SGCZ: variants seen among roughly 807,000 people sequenced by gnomAD.
SGCZ encodes the protein sarcoglycan zeta.
A neutral mutation model predicts 41.3 loss-of-function variants in SGCZ; 40 were observed. That is an observed-to-expected ratio of 0.97 (90% CI 0.75 to 1.26). SGCZ has a LOEUF of 1.26. SGCZ is among the 50% of genes most tolerant of loss of function. The pLI, the probability that SGCZ is intolerant of heterozygous loss-of-function variation, is 0.00. For synonymous variants in SGCZ, 206 were observed against 137.5 expected, an observed-to-expected ratio of 1.50 and a Z score of -3.49; for missense variants, 552 against 369.8, an observed-to-expected ratio of 1.49 and a Z score of -4.04.
At chr8:14,368,119 C>G (rs1285409852) in intron 2 of SGCZ, among the ~76,000 whole-genome samples, 2 of 151,872 alleles carry the variant, frequency 1.3e-5, no homozygotes, top group Non-Finnish European at 2.9e-5. Flanking sequence ...AATGTGTACA[C>G]TGGGTTTTGG....
Position 14,086,231 on chromosome 8 carries a change from A to G in SGCZ, c.*4212T>C, listed in dbSNP as rs866568053. ...ATGAATTTGGCTTTGAGGATTTTATAGAAAATTTGGCTATTAAATACTTTC... is the reference window on the plus strand; with the variant it reads ...ATGAATTTGGCTTTGAGGATTTTATGGAAAATTTGGCTATTAAATACTTTC... On this transcript the variant is annotated 3_prime_UTR_variant, in exon 8 of 8. Coordinates refer to ENST00000382080, the MANE Select transcript of SGCZ (RefSeq NM_139167.4). 6.6e-6 allele frequency among the ~76,000 whole-genome samples: 1 copy of G among 151,724 alleles called. No individual in the cohort carries two copies. The highest frequency in any genetic ancestry group is 6.6e-5 in the Admixed American group (1 of 15,174).
intron 1 of SGCZ, among the ~76,000 whole-genome samples, chr8:15,030,143 G>C (rs750526413): frequency 7.2e-5 from 11 of 152,066 alleles, no homozygotes; most frequent in Non-Finnish European, 1.0e-4. Flanking sequence ...TACAAGATGG[G>C]AAAGCAGCAC....
At chr8:15,119,963 C>G (rs1439819051) in intron 1 of SGCZ, among the ~76,000 whole-genome samples, 1 of 151,440 alleles carries the variant, frequency 6.6e-6, no homozygotes, top group Non-Finnish European at 1.5e-5. Flanking sequence ...GTGCATTCCA[C>G]CAAGCTCGGT....
chr8:14,938,150 C>T (rs931196198), intron 1 of SGCZ, among the ~76,000 whole-genome samples: 1 of 152,076 alleles, frequency 6.6e-6, no homozygotes, highest in Admixed American at 6.6e-5. Context: ...TTGATTTATA[C>T]AAGTTCTGCA....
rs193151623 is a variant in SGCZ at position 14,813,477 on chromosome 8, G to T, written c.40-258551C>A. Among the ~76,000 whole-genome samples, 69 of 152,190 alleles carry T rather than the reference G, an allele frequency of 4.5e-4. No individual in the cohort carries two copies. In the East Asian group the frequency reaches 0.011, roughly 25 times the overall value. ...AATTGTTCGTTACACAACTCTGTTT[G>T]GGGAAAATATATTTTTATTTTGTTC... On this transcript the variant is annotated intron_variant, in intron 1 of 7. Coordinates refer to ENST00000382080, the MANE Select transcript of SGCZ (RefSeq NM_139167.4).
At chr8:14,157,336 CTGTGTGTG>C (rs71209015) in intron 5 of SGCZ, among the ~76,000 whole-genome samples, 52 of 138,872 alleles carry the variant, frequency 3.7e-4, no homozygotes, top group South Asian at 1.4e-3. Context: ...ATATATGCCT[CTGTGTGTG>C]TGTGTGTGTG....
At chr8:14,397,045 C>A (rs180801025) in intron 2 of SGCZ, among the ~76,000 whole-genome samples, 24 of 152,236 alleles carry the variant, frequency 1.6e-4, no homozygotes, top group Admixed American at 1.5e-3. Context: ...AATTTATCAT[C>A]TTAAAATGAG....
chr8:14,467,706 G>A (rs568593729), intron 2 of SGCZ, among the ~76,000 whole-genome samples: 18 of 152,008 alleles, frequency 1.2e-4, no homozygotes, highest in African/African-American at 3.6e-4. Context: ...GCATATTTTC[G>A]GTCCTTCCTA....
Position 14,385,211 on chromosome 8 carries a change from G to A in SGCZ, c.235-61007C>T, listed in dbSNP as rs139450359. Among the ~76,000 whole-genome samples, 148 of 152,248 alleles carry A rather than the reference G, an allele frequency of 9.7e-4. 1 individual carries two copies. Among genetic ancestry groups the A allele is most frequent in the African/African-American group, 3.5e-3 (147 of 41,558 alleles). On this transcript the variant is annotated intron_variant, in intron 2 of 7. Coordinates refer to ENST00000382080, the MANE Select transcript of SGCZ (RefSeq NM_139167.4). ...TAGTGAACATGGAGTTGAGAGAGAT[G>A]CGCACAGGTGGACTCATGAACTGGT...
At chr8:14,753,536 G>T (rs1304221260) in intron 1 of SGCZ, among the ~76,000 whole-genome samples, 2 of 152,112 alleles carry the variant, frequency 1.3e-5, no homozygotes, top group Admixed American at 6.6e-5. Flanking sequence ...GTGTCTCAAG[G>T]CCTTCCTTTG....
At chr8:14,110,609 C>T (rs1445460399) in intron 5 of SGCZ, among the ~76,000 whole-genome samples, 1 of 151,980 alleles carries the variant, frequency 6.6e-6, no homozygotes, top group Admixed American at 6.6e-5. Flanking sequence ...AAATGCAGGC[C>T]TCTAGAAAAT....
At chr8:14,971,393 T>G (rs1205442321) in intron 1 of SGCZ, among the ~76,000 whole-genome samples, 18 of 152,140 alleles carry the variant, frequency 1.2e-4, no homozygotes, top group Non-Finnish European at 4.4e-5. Flanking sequence ...TTAAGTATGA[T>G]GCTAGCTGAA....
intron 1 of SGCZ, among the ~76,000 whole-genome samples, chr8:14,649,340 A>G (rs1807323664): frequency 6.6e-6 from 1 of 152,150 alleles, no homozygotes; most frequent in Admixed American, 6.6e-5. Flanking sequence ...CCAATGAGAA[A>G]TAAGCTGGGT....
At position 14,948,428 on chromosome 8, in the gene SGCZ, C is replaced by T. The variant is rs141399314; in HGVS notation, c.39+289157G>A. Among the ~76,000 whole-genome samples the T allele has an allele frequency of 1.6e-3, 247 of 152,064 alleles. 5 individuals are homozygous for T. In the East Asian group the frequency reaches 0.038, roughly 24 times the overall value. ...TTATTAACTCTGTTTGAATGGAAAA[C>T]TACTTTGAAAAGATTGTCCTCACAC... On this transcript the variant is annotated intron_variant, in intron 1 of 7. Coordinates refer to ENST00000382080, the MANE Select transcript of SGCZ (RefSeq NM_139167.4).
At chr8:14,654,088 T>C (rs1474624337) in intron 1 of SGCZ, among the ~76,000 whole-genome samples, 1 of 151,968 alleles carries the variant, frequency 6.6e-6, no homozygotes, top group East Asian at 1.9e-4. Context: ...GTCATAGAAG[T>C]TAACATTCAA....
chr8:14,917,059 T>C (rs1799459279), intron 1 of SGCZ, among the ~76,000 whole-genome samples: 6 of 152,028 alleles, frequency 3.9e-5, no homozygotes. Flanking sequence ...GCTTGACATA[T>C]ACATCAGACT....
chr8:14,802,014 A>G (rs7822325), intron 1 of SGCZ, among the ~76,000 whole-genome samples: 9,752 of 152,234 alleles, frequency 0.064, 675 homozygotes, highest in African/African-American at 0.17. Context: ...AATATGGAAA[A>G]GAAATTAGGA....
chr8:14,418,331 G>C (rs767194031), intron 2 of SGCZ, among the ~76,000 whole-genome samples: 1 of 151,906 alleles, frequency 6.6e-6, no homozygotes, highest in Admixed American at 6.6e-5. Flanking sequence ...GGTCTAAGGA[G>C]TGGCTCCTTA....
chr8:14,668,964 T>C (rs7838778), intron 1 of SGCZ, among the ~76,000 whole-genome samples: 82,536 of 151,640 alleles, frequency 0.54, 23,987 homozygotes, highest in East Asian at 0.74. Flanking sequence ...GGTGAGAACA[T>C]GTAAGTTCTA....
Sources: gnomAD v4.1 joint callset for allele counts (sites outside exome capture counted in the v4.1 genomes callset) on GRCh38, gnomAD v4.1.1 for gene constraint, MANE v1.5 for transcripts, NCBI Gene and HGNC (gene_info 2026-07-23, HGNC 2026-07-21) for gene names.